The following RNF6 variants were observed in gnomAD, a reference collection of about 807,000 sequenced individuals.
RNF6 encodes E3 ubiquitin-protein ligase RNF6.
In RNF6, 21 loss-of-function variants were observed where a neutral mutation model predicts 50.1. That is an observed-to-expected ratio of 0.42 (90% CI 0.30 to 0.60). The LOEUF (loss-of-function observed/expected upper bound fraction) is 0.60. Ranked by LOEUF, RNF6 falls within the 20% of genes least tolerant of loss-of-function variation. The probability of loss-of-function intolerance (pLI) is 0.20; values close to 1 mark genes in which losing one functional copy is unlikely to be tolerated. For synonymous variants in RNF6, 255 were observed against 291.8 expected (o/e 0.87, Z 1.29); for missense variants, 698 against 838.2 (o/e 0.83, Z 2.07).
In RNF6 at chr13:26,180,015, G is replaced by C. The variant is rs141959199; in HGVS notation, n.768+35459C>G. Among the ~76,000 whole-genome samples the C allele has an allele frequency of 4.7e-3, 720 of 152,224 alleles. 6 individuals are homozygous for C. Among genetic ancestry groups the C allele is most frequent in the African/African-American group, 0.016 (647 of 41,534 alleles). On this transcript the variant is annotated intron_variant and non_coding_transcript_variant, in intron 5 of 5. Transcript: ENST00000468480. ...CCCTGCTTCTGGGCCTCTTCCGCTT[G>C]TGTCCCTATAAGCCTGAGGTGTTTA...
At chr13:26,187,810 A>T (rs1358957973) in intron 5 of RNF6, among the ~76,000 whole-genome samples, 2 of 152,182 alleles carry the variant, frequency 1.3e-5, no homozygotes, top group African/African-American at 4.8e-5. Flanking sequence ...TGCAGCCTTG[A>T]ACTGTTGGGC....
chr13:26,147,665 T>C (rs1164915767), intron 5 of RNF6, among the ~76,000 whole-genome samples: 1 of 152,198 alleles, frequency 6.6e-6, no homozygotes, highest in Non-Finnish European at 1.5e-5. Flanking sequence ...ATCCATGTTC[T>C]CATTTAAGAG....
chr13:26,156,029 T>C (rs530049898), intron 5 of RNF6, among the ~76,000 whole-genome samples: 8 of 152,162 alleles, frequency 5.3e-5, no homozygotes, highest in South Asian at 2.1e-4. Context: ...ATAACAGAAC[T>C]GTGGCCAAAT....
intron 5 of RNF6, among the ~76,000 whole-genome samples, chr13:26,162,570 G>A (rs1179477068): frequency 6.6e-6 from 1 of 152,140 alleles, no homozygotes; most frequent in East Asian, 1.9e-4. Context: ...CAGAACTACT[G>A]TCAAAATGAA....
intron 5 of RNF6, among the ~76,000 whole-genome samples, chr13:26,164,733 C>A (rs1399217746): frequency 6.6e-6 from 1 of 152,056 alleles, no homozygotes; most frequent in African/African-American, 2.4e-5. Context: ...CCTTTTACTG[C>A]CTCTCATGGA....
intron 5 of RNF6, among the ~76,000 whole-genome samples, chr13:26,173,030 G>A (rs1872776602): frequency 6.6e-6 from 1 of 152,166 alleles, no homozygotes; most frequent in African/African-American, 2.4e-5. Context: ...AATTATATGA[G>A]AACATGCACA....
chr13:26,205,926 A>G (rs1224298659), intron 5 of RNF6, among the ~76,000 whole-genome samples: 1 of 152,146 alleles, frequency 6.6e-6, no homozygotes, highest in African/African-American at 2.4e-5. Context: ...TGAGAGGATC[A>G]CCTGAGCCCA....
At chr13:26,166,741 G>A (rs1940241982) in intron 5 of RNF6, among the ~76,000 whole-genome samples, 1 of 152,166 alleles carries the variant, frequency 6.6e-6, no homozygotes, top group Non-Finnish European at 1.5e-5. Flanking sequence ...GCAACAAGGT[G>A]AAACCCCATC....
chr13:26,164,798 A>G (rs115323307), intron 5 of RNF6, among the ~76,000 whole-genome samples: 2,159 of 152,254 alleles, frequency 0.014, 39 homozygotes, highest in African/African-American at 0.047. Context: ...CTGCTTAAAC[A>G]ATCTTCTCCT....
Position 26,215,124 on chromosome 13 carries a change from G to A in RNF6, c.758C>T (p.Thr253Ile). 1 of 1,614,174 alleles carries A rather than the reference G, an allele frequency of 6.2e-7. No individual in the cohort carries two copies. The highest frequency in any genetic ancestry group is 1.1e-5 in the South Asian group (1 of 91,084). ...AGIPRANASR[T>I]NFSSHTNQSG... ...TTGGTTTGTGTGACTACTGAAATTAGTGCGTGAAGCGTTAGCTCGAGGAAT... is the reference window on the plus strand; with the variant it reads ...TTGGTTTGTGTGACTACTGAAATTAATGCGTGAAGCGTTAGCTCGAGGAAT... Residue 253 changes from threonine (T) to isoleucine (I), a missense_variant, in exon 5 of 5, where the codon ACT becomes ATT. Thr to Ile is a moderately conservative substitution (Grantham distance 89). Coordinates refer to ENST00000381588, the MANE Select transcript of RNF6 (RefSeq NM_005977.4).
intron 5 of RNF6, among the ~76,000 whole-genome samples, chr13:26,158,407 A>T (rs1872049283): frequency 6.6e-6 from 1 of 152,210 alleles, no homozygotes; most frequent in Non-Finnish European, 1.5e-5. Context: ...CAGCATTCAC[A>T]CTTCCAGGAA....
intron 5 of RNF6, among the ~76,000 whole-genome samples, chr13:26,199,526 T>C (rs1019206820): frequency 6.6e-6 from 1 of 152,174 alleles, no homozygotes; most frequent in African/African-American, 2.4e-5. Flanking sequence ...AAAACATTGA[T>C]AATCTGGACT....
At chr13:26,219,231 T>C in intron 3 of RNF6, 2 of 398,932 alleles carry the variant, frequency 5.0e-6, no homozygotes, top group Non-Finnish European at 8.9e-6. Context: ...GTTTCTTAGT[T>C]TGGCATTTGT....
chr13:26,201,210 C>T (rs1266427599), intron 5 of RNF6, among the ~76,000 whole-genome samples: 1 of 152,182 alleles, frequency 6.6e-6, no homozygotes, highest in Non-Finnish European at 1.5e-5. Flanking sequence ...CTGTCTTATA[C>T]ATCACTACTA....
At chr13:26,137,310 T>G (rs1186206521) in intron 5 of RNF6, among the ~76,000 whole-genome samples, 1 of 151,742 alleles carries the variant, frequency 6.6e-6, no homozygotes. Context: ...AAGAGCTTTT[T>G]TTTTAAAGAA....
chr13:26,199,135 T>C (rs924282789), intron 5 of RNF6, among the ~76,000 whole-genome samples: 1 of 151,154 alleles, frequency 6.6e-6, no homozygotes, highest in Non-Finnish European at 1.5e-5. Flanking sequence ...GTTTTAAATG[T>C]ATATGAAAAT....
In RNF6 at chr13:26,189,769, T is replaced by C. The variant is rs541611478; in HGVS notation, n.768+25705A>G. Among the ~76,000 whole-genome samples the C allele has an allele frequency of 2.3e-4, 35 of 152,288 alleles. No homozygotes were observed. In the South Asian group the frequency reaches 6.6e-3, roughly 29 times the overall value. On this transcript the variant is annotated intron_variant and non_coding_transcript_variant, in intron 5 of 5. Transcript: ENST00000468480. ...TCTGCTTAATAAACCACTTCCATGT[T>C]TGTTTATTTATTTACACTCTCTGCT... is the stretch of plus-strand genomic sequence containing the variant.
intron 5 of RNF6, among the ~76,000 whole-genome samples, chr13:26,151,612 TC>T (rs1289919731): frequency 2.4e-5 from 1 of 41,572 alleles, no homozygotes; most frequent in African/African-American, 5.7e-5. Context: ...CTCCTTTTTT[TC>T]TTTTTTTCTT....
intron 5 of RNF6, among the ~76,000 whole-genome samples, chr13:26,162,944 G>T (rs1026171948): frequency 2.6e-5 from 4 of 152,154 alleles, no homozygotes; most frequent in African/African-American, 9.7e-5. Context: ...TTTTATTGTG[G>T]AAACTTTCAA....
Sources: gnomAD v4.1 joint callset for allele counts (sites outside exome capture counted in the v4.1 genomes callset) on GRCh38, gnomAD v4.1.1 for gene constraint, MANE v1.5 for transcripts, NCBI Gene and HGNC (gene_info 2026-07-23, HGNC 2026-07-21) for gene names.